TRDMT1: variants seen among roughly 807,000 people sequenced by gnomAD.
TRDMT1 encodes tRNA aspartic acid methyltransferase 1, also known as tRNA (cytosine(38)-C(5))-methyltransferase.
In TRDMT1, 49 loss-of-function variants were observed where a neutral mutation model predicts 51.2. The observed-to-expected ratio is 0.96, with a 90% CI of 0.76 to 1.21. The LOEUF is 1.21. TRDMT1 is among the 50% of genes most tolerant of loss of function. The probability of loss-of-function intolerance (pLI) is 0.00; values close to 1 mark genes in which losing one functional copy is unlikely to be tolerated. For synonymous variants in TRDMT1, 187 were observed against 164.6 expected (o/e 1.14, Z -1.04); for missense variants, 534 against 462.3 (o/e 1.16, Z -1.42).
chr10:17,158,118 C>A lies in TRDMT1; in HGVS notation c.544-334G>T, dbSNP rs572586936. On this transcript the variant is annotated intron_variant, in intron 7 of 10. Transcript: ENST00000377799. ...TGGAAAAGAAGTTTAGAAAGCAACA[C>A]TAACATTTCCAGAAAACATGTTTTG... Among the ~76,000 whole-genome samples, 15 of 152,114 alleles carry A rather than the reference C, an allele frequency of 9.9e-5. No individual in the cohort carries two copies. The South Asian group carries it at 3.1e-3, about 32-fold the overall frequency.
chr10:17,174,493 T>A, intron 2 of TRDMT1, 58 bp downstream of exon 2: 8 of 1,191,894 alleles, frequency 6.7e-6, no homozygotes, highest in Non-Finnish European at 1.0e-5. Flanking sequence ...TATTAGGCAG[T>A]GTTTTTCAAT....
intron 1 of TRDMT1, among the ~76,000 whole-genome samples, chr10:17,180,079 G>T (rs779615822): frequency 2.7e-4 from 41 of 152,240 alleles, no homozygotes; most frequent in Admixed American, 1.2e-3. Flanking sequence ...TATTGACAAA[G>T]ATCTTGGCCT....
Position 17,147,194 on chromosome 10 carries a change from C to T in TRDMT1, c.*1846G>A, listed in dbSNP as rs930228284. 4.1e-6 allele frequency: 4 copies of T among 985,794 alleles called. No homozygotes were observed. The South Asian group carries it at 1.9e-4, about 46-fold the overall frequency. 61.1% of individuals were successfully genotyped at this position (985,794 alleles called of 1,614,324 possible). A position where few individuals can be genotyped will look rare whatever the true frequency, so the allele number is the denominator to read the frequency against. On this transcript the variant is annotated 3_prime_UTR_variant, in exon 11 of 11. Transcript: ENST00000377799. ...TAGAATATTTCAGCAGTGAACAGAA[C>T]CTACATGAAAGTGTGCCAAAATAAT...
At chr10:17,175,379 A>T (rs2131524473) in intron 1 of TRDMT1, among the ~76,000 whole-genome samples, 1 of 152,338 alleles carries the variant, frequency 6.6e-6, no homozygotes, top group Non-Finnish European at 1.5e-5. Context: ...TCAGATCCAG[A>T]GAATTCTAGC....
At chr10:17,179,973 A>ATTT (rs1843074251) in intron 1 of TRDMT1, among the ~76,000 whole-genome samples, 1 of 152,180 alleles carries the variant, frequency 6.6e-6, no homozygotes, top group Admixed American at 6.5e-5. Context: ...GGATAGTCCC[A>ATTT]CTAAGCAATC....
rs1329749167 is a variant in TRDMT1, at chr10:17,146,346, A to C, written c.*2694T>G. ...CCATGGTGAAGGTCTGATTTCACAG[A>C]CAGAACACCATGGCCAGGGTCCTCT... On this transcript the variant is annotated 3_prime_UTR_variant, in exon 11 of 11. Transcript: ENST00000377799. The C allele has an allele frequency of 1.0e-6, 1 of 985,296 alleles. No homozygotes were observed. The highest frequency in any genetic ancestry group is 1.2e-6 in the Non-Finnish European group (1 of 829,928). 61.0% of individuals were successfully genotyped at this position (985,296 alleles called of 1,614,324 possible).
Position 17,148,676 on chromosome 10 carries a change from A to T in TRDMT1, c.*364T>A, listed in dbSNP as rs948587776. On this transcript the variant is annotated 3_prime_UTR_variant, in exon 11 of 11. Transcript: ENST00000377799. ...TAGAAATAAAAAACTTCTTTAATTA[A>T]CATAAAAATATGTTATGCCTGTTAT... The T allele has an allele frequency of 2.0e-6, 2 of 976,050 alleles. No individual in the cohort carries two copies. Among genetic ancestry groups the T allele is most frequent in the African/African-American group, 3.5e-5 (2 of 57,098 alleles). The allele number at this position is 976,050 out of a possible 1,614,324, so 60.5% of individuals were successfully genotyped here.
Position 17,144,766 on chromosome 10 carries a change from A to G in TRDMT1, c.*4274T>C. On this transcript the variant is annotated 3_prime_UTR_variant, in exon 11 of 11. Transcript: ENST00000377799. ...ACCTTAAAATGTTCCTAGACAGCCT[A>G]AAGAGAGAAACGGAAGCTAGAAACA... 1.0e-6 allele frequency: 1 copy of G among 985,428 alleles called. No homozygotes were observed. Among genetic ancestry groups the G allele is most frequent in the Non-Finnish European group, 1.2e-6 (1 of 829,918 alleles). 61.0% of individuals were successfully genotyped at this position (985,428 alleles called of 1,614,324 possible).
intron 1 of TRDMT1, among the ~76,000 whole-genome samples, chr10:17,197,004 T>C (rs1481747980): frequency 6.6e-6 from 1 of 152,146 alleles, no homozygotes; most frequent in Admixed American, 6.5e-5. Context: ...TAAGCTGTGA[T>C]GTCGGGATAA....
intron 5 of TRDMT1, among the ~76,000 whole-genome samples, 199 bp downstream of exon 5, chr10:17,161,284 T>C (rs907859276): frequency 1.3e-5 from 2 of 152,098 alleles, no homozygotes; most frequent in Non-Finnish European, 2.9e-5. Context: ...TAGAAGAGAA[T>C]CAGTTGAACA....
At position 17,159,150 on chromosome 10, in the gene TRDMT1, C is replaced by T; in HGVS notation, c.539G>A (p.Gly180Asp). 1 of 1,585,972 alleles carries T rather than the reference C, an allele frequency of 6.3e-7. No homozygotes were observed. The highest frequency in any genetic ancestry group is 8.6e-7 in the Non-Finnish European group (1 of 1,166,814). The change falls in exon 7 of 11, where the codon GGT (glycine) becomes GAT (aspartate). Residue 180 changes from glycine (G) to aspartate (D), a missense_variant. Physicochemically the swap from Gly to Asp is moderately conservative, Grantham distance 94. Transcript: ENST00000377799. ...ATAAAATTCCAATAATAATACCTGA[C>T]CAGGGGCTTGAAAGGGTAATGGCTC... Reference protein sequence around the residue: ...QSEPLPFQAPGQVLMEFPKIE... With the variant: ...QSEPLPFQAPDQVLMEFPKIE...
chr10:17,145,517 TCA>T lies in TRDMT1; in HGVS notation c.*3521_*3522del. 1 of 985,414 alleles carries T rather than the reference TCA, an allele frequency of 1.0e-6. No homozygotes were observed. Among genetic ancestry groups the T allele is most frequent in the Non-Finnish European group, 1.2e-6 (1 of 829,930 alleles). The allele number at this position is 985,414 out of a possible 1,614,324, so 61.0% of individuals were successfully genotyped here. ...GAAAACTGCTGAGGCTATATGACCC[TCA>T]CACAGTTTCAAAGTCCAAAGCTATT... On this transcript the variant is annotated 3_prime_UTR_variant, in exon 11 of 11. Transcript: ENST00000377799.
rs1285957295 is a variant in TRDMT1 at position 17,139,789 on chromosome 10, T to A, written c.*9251A>T. On this transcript the variant is annotated 3_prime_UTR_variant, in exon 11 of 11. Transcript: ENST00000377799. ...ATCTGTGGGAAGATTTAAGGTGTTG[T>A]CATCAATGGCAGAAAGGATGAGATG... Among the ~76,000 whole-genome samples the A allele has an allele frequency of 6.6e-6, 1 of 152,164 alleles. No homozygotes were observed. Among genetic ancestry groups the A allele is most frequent in the African/African-American group, 2.4e-5 (1 of 41,436 alleles).
chr10:17,158,519 C>T (rs942605348), intron 7 of TRDMT1, among the ~76,000 whole-genome samples: 1 of 152,104 alleles, frequency 6.6e-6, no homozygotes, highest in African/African-American at 2.4e-5. Flanking sequence ...TATTAGTAGA[C>T]ATGACTTTTG....
chr10:17,161,325 T>A (rs1840325746), intron 5 of TRDMT1, among the ~76,000 whole-genome samples, 158 bp downstream of exon 5: 1 of 152,212 alleles, frequency 6.6e-6, no homozygotes, highest in Non-Finnish European at 1.5e-5. Context: ...TAATACTTAC[T>A]AATACATTAT....
chr10:17,169,026 T>TA, intron 2 of TRDMT1, 109 bp from the exon 3 acceptor site: 1 of 748,124 alleles, frequency 1.3e-6, no homozygotes, highest in East Asian at 2.8e-5. Flanking sequence ...AAACAGTTTA[T>TA]AATACAATGC....
intron 10 of TRDMT1, chr10:17,152,174 C>A: frequency 9.7e-7 from 1 of 1,029,334 alleles, no homozygotes. Context: ...ATTCTCAGCT[C>A]TTCTATTTGT....
intron 10 of TRDMT1, chr10:17,151,970 C>T: frequency 1.6e-6 from 2 of 1,271,110 alleles, no homozygotes; most frequent in Non-Finnish European, 2.0e-6. Flanking sequence ...TGCTCCTTAC[C>T]AAGGTTCAGT....
At position 17,144,932 on chromosome 10, in the gene TRDMT1, T is replaced by C. The variant is rs1837973452; in HGVS notation, c.*4108A>G. On this transcript the variant is annotated 3_prime_UTR_variant, in exon 11 of 11. Transcript: ENST00000377799. The stretch of plus-strand genomic sequence containing the variant: ...CTGAAACTAAAGAACATGTGCAAGA[T>C]GCTTAATGCCTTTTTAAAAAACATG... The C allele has an allele frequency of 1.0e-6, 1 of 985,182 alleles. No homozygotes were observed. The highest frequency in any genetic ancestry group is 6.2e-5 in the Admixed American group (1 of 16,252). The allele number at this position is 985,182 out of a possible 1,614,324, so 61.0% of individuals were successfully genotyped here.
Sources: allele counts gnomAD v4.1 joint callset (sites outside exome capture counted in the v4.1 genomes callset), GRCh38; gene constraint gnomAD v4.1.1; transcripts MANE v1.5; gene names NCBI Gene and HGNC (gene_info 2026-07-23, HGNC 2026-07-21).